Variants in RBM17 observed in about 807,000 individuals in gnomAD.
The protein encoded by RBM17 is splicing factor 45.
RBM17 carries 7 observed loss-of-function variants against 53.2 expected under a neutral mutation model. That is an observed-to-expected ratio of 0.13 (90% confidence interval 0.07 to 0.25). The LOEUF is 0.25. Among genes scored for constraint, RBM17 ranks in the 10% least tolerant of loss-of-function variants. The pLI is 1.00. For synonymous variants in RBM17, 167 were observed against 178.1 expected, an observed-to-expected ratio of 0.94 and a Z score of 0.50; for missense variants, 257 against 496.7, an observed-to-expected ratio of 0.52 and a Z score of 4.59.
intron 1 of RBM17, among the ~76,000 whole-genome samples, chr10:6,091,013 T>TTATATATTTATA (rs1840474180): frequency 8.8e-6 from 1 of 113,882 alleles, no homozygotes; most frequent in African/African-American, 2.9e-5. Flanking sequence ...ATATAAATAT[T>TTATATATTTATA]TATATATTTA....
intron 1 of RBM17, among the ~76,000 whole-genome samples, chr10:6,096,489 T>C (rs560489434): frequency 5.4e-4 from 83 of 152,326 alleles, no homozygotes; most frequent in African/African-American, 2.0e-3. Flanking sequence ...AGATGACAGA[T>C]TTCCACTTGG....
chr10:6,093,141 G>A (rs951412308), intron 1 of RBM17, among the ~76,000 whole-genome samples: 1 of 152,178 alleles, frequency 6.6e-6, no homozygotes, highest in Non-Finnish European at 1.5e-5. Context: ...TCTGGGGAGG[G>A]TGAGGAGTGT....
At chr10:6,105,974 C>G (rs969754976) in intron 4 of RBM17, among the ~76,000 whole-genome samples, 167 bp from the exon 5 acceptor site, 1 of 152,034 alleles carries the variant, frequency 6.6e-6, no homozygotes, top group Admixed American at 6.6e-5. Flanking sequence ...ATACTTTTAT[C>G]TACTTTAGTC....
intron 2 of RBM17, among the ~76,000 whole-genome samples, chr10:6,099,651 A>AT (rs1840640982): frequency 6.6e-6 from 1 of 151,898 alleles, no homozygotes. Flanking sequence ...TTTTATTTGT[A>AT]TTTTTTGTTG....
Position 6,089,340 on chromosome 10 carries a change from G to A in RBM17, c.-19+147G>A, listed in dbSNP as rs1022522897. 6.6e-6 allele frequency: 1 copy of A among 152,230 alleles called. No individual in the cohort carries two copies. Among genetic ancestry groups the A allele is most frequent in the African/African-American group, 2.4e-5 (1 of 41,446 alleles). 9.4% of individuals were successfully genotyped at this position (152,230 alleles called of 1,614,324 possible). Reference sequence around the variant, plus strand: ...GGCCAGCGCAGCCGGAGCCTCCGAGGGTCTCAGTCCCCGCGGCGGGCGCTG... The same window carrying A: ...GGCCAGCGCAGCCGGAGCCTCCGAGAGTCTCAGTCCCCGCGGCGGGCGCTG... On this transcript the variant is annotated intron_variant, in intron 1 of 11. Transcript: ENST00000379888. This position sits in a 1 kb window ranked among gnomAD's most constrained non-coding sequence, Gnocchi z 5.6.
Position 6,112,489 on chromosome 10 carries a change from GC to G in RBM17, c.856+131del. ...GCGTGTGGCCAGAGGGAGAGGGCTGGCCCTGCCATCACTAGAACACAGGCCG... is the reference window on the plus strand; with the variant it reads ...GCGTGTGGCCAGAGGGAGAGGGCTGGCCTGCCATCACTAGAACACAGGCCG... On this transcript the variant is annotated intron_variant, in intron 8 of 11. Coordinates refer to ENST00000379888, the MANE Select transcript of RBM17 (RefSeq NM_032905.5). This position sits in a 1 kb window ranked among gnomAD's most constrained non-coding sequence, Gnocchi z 4.4. The G allele has an allele frequency of 8.7e-7, 1 of 1,151,398 alleles. No homozygotes were observed. Among genetic ancestry groups the G allele is most frequent in the Non-Finnish European group, 1.3e-6 (1 of 785,832 alleles). 71.3% of individuals were successfully genotyped at this position (1,151,398 alleles called of 1,614,324 possible).
chr10:6,092,037 G>T (rs1161043379), intron 1 of RBM17, among the ~76,000 whole-genome samples: 1 of 152,146 alleles, frequency 6.6e-6, no homozygotes, highest in Non-Finnish European at 1.5e-5. Context: ...CTTCCTTCTG[G>T]CAGAACCATG....
rs1385349527 is a variant in RBM17 at position 6,101,773 on chromosome 10, TATTCCC to T, written c.240+387_240+392del. On this transcript the variant is annotated intron_variant, in intron 3 of 11. Transcript: ENST00000379888. ...TATGATCACGTTTATGGCTTCACTATATTCCCTTGTATATAGATGGACTATAATTTA... is the reference window on the plus strand; with the variant it reads ...TATGATCACGTTTATGGCTTCACTATTTGTATATAGATGGACTATAATTTA... 4.6e-5 allele frequency among the ~76,000 whole-genome samples: 7 copies of T among 152,384 alleles called. No homozygotes were observed. In the South Asian group the frequency reaches 1.4e-3, roughly 32 times the overall value.
intron 10 of RBM17, chr10:6,114,763 G>C (rs1276275627): frequency 1.2e-5 from 2 of 161,158 alleles, no homozygotes; most frequent in African/African-American, 2.4e-5. Flanking sequence ...TGAAGATCAG[G>C]ACTACCAAAA....
rs1362463700 is a variant in RBM17, at chr10:6,109,977, C to T, written c.563-9C>T. 20 of 1,594,986 alleles carry T rather than the reference C, an allele frequency of 1.3e-5. No individual in the cohort carries two copies. Among genetic ancestry groups the T allele is most frequent in the Non-Finnish European group, 1.6e-5 (19 of 1,171,162 alleles). On this transcript the variant is annotated splice_polypyrimidine_tract_variant and intron_variant, in intron 6 of 11. Transcript: ENST00000379888. ...ATTTTGGTGAGCCTACTTTATTTTT[C>T]TCCAATAGTACCCCGAGATTTTCCT...
At position 6,098,556 on chromosome 10, in the gene RBM17, G is replaced by GTTTTTTTTTTTT. The variant is rs1221504658; in HGVS notation, c.123+1374_123+1375insTTTTTTTTTTTT. Among the ~76,000 whole-genome samples the GTTTTTTTTTTTT allele has an allele frequency of 4.3e-4, 38 of 87,972 alleles. 13 individuals carry two copies. The highest frequency in any genetic ancestry group is 4.8e-4 in the African/African-American group (12 of 24,766). 57.7% of individuals were successfully genotyped at this position (87,972 alleles called of 152,430 possible). A position where few individuals can be genotyped will look rare whatever the true frequency, so the allele number is the denominator to read the frequency against. ...GTTTGAAAATTTCCGTAATACACAGGTTTTTTGTTTTTTTTTTTTTTTTTT... is the reference window on the plus strand; with the variant it reads ...GTTTGAAAATTTCCGTAATACACAGGTTTTTTTTTTTTTTTTTTGTTTTTTTTTTTTTTTTTT... On this transcript the variant is annotated intron_variant, in intron 2 of 11. Transcript: ENST00000379888.
chr10:6,108,800 G>C, intron 6 of RBM17, 58 bp downstream of exon 6: 1 of 1,378,670 alleles, frequency 7.3e-7, no homozygotes, highest in Non-Finnish European at 1.0e-6. Flanking sequence ...CCCAACCATG[G>C]GGGATCTCAG....
chr10:6,103,515 C>T (rs1459335245), intron 3 of RBM17, among the ~76,000 whole-genome samples: 3 of 152,124 alleles, frequency 2.0e-5, no homozygotes, highest in Admixed American at 1.3e-4. Flanking sequence ...CATTTTCTCT[C>T]TAAATAATAA....
At chr10:6,104,230 T>G (rs1048433690) in intron 3 of RBM17, among the ~76,000 whole-genome samples, 1 of 152,206 alleles carries the variant, frequency 6.6e-6, no homozygotes, top group African/African-American at 2.4e-5. Context: ...TTTGCTAATT[T>G]CTTTGTCATG....
At chr10:6,098,480 C>G (rs1840612108) in intron 2 of RBM17, among the ~76,000 whole-genome samples, 1 of 149,010 alleles carries the variant, frequency 6.7e-6, no homozygotes, top group South Asian at 2.1e-4. Context: ...ATTGTTGAAA[C>G]TGGATGTGGA....
At chr10:6,093,480 A>G (rs754395941) in intron 1 of RBM17, among the ~76,000 whole-genome samples, 1 of 152,186 alleles carries the variant, frequency 6.6e-6, no homozygotes, top group South Asian at 2.1e-4. Context: ...CGGTCTCCCA[A>G]AGTGCTGGGA....
At position 6,089,235 on chromosome 10, in the gene RBM17, G is replaced by C. The variant is rs1840439173; in HGVS notation, c.-19+42G>C. On this transcript the variant is annotated intron_variant, in intron 1 of 11. Coordinates refer to ENST00000379888, the MANE Select transcript of RBM17 (RefSeq NM_032905.5). The surrounding 1 kb of genome is among the most constrained non-coding windows in gnomAD (Gnocchi z 5.6). ...CGGCCCCGGGTGGGTGGCCTGGCGG[G>C]ACCTGAGGCGGGCGCGCCTTCCCGG... 6.6e-6 allele frequency: 1 copy of C among 151,858 alleles called. No individual in the cohort carries two copies. The highest frequency in any genetic ancestry group is 2.4e-5 in the African/African-American group (1 of 41,392). 9.4% of individuals were successfully genotyped at this position (151,858 alleles called of 1,614,324 possible). A position where few individuals can be genotyped will look rare whatever the true frequency, so the allele number is the denominator to read the frequency against.
rs750716722 is a variant in RBM17, at chr10:6,108,677, G to A, written c.506-9G>A. The stretch of plus-strand genomic sequence containing the variant: ...ACCTCCTTTAATGCTTGGATTTGTG[G>A]TTTTGCAGGTATGGGCGGAGCTGCC... On this transcript the variant is annotated splice_polypyrimidine_tract_variant and intron_variant, in intron 5 of 11. Coordinates refer to ENST00000379888, the MANE Select transcript of RBM17 (RefSeq NM_032905.5). 6.2e-7 allele frequency: 1 copy of A among 1,611,208 alleles called. No homozygotes were observed.
rs369303270 is a variant in RBM17 at position 6,114,096 on chromosome 10, C to A, written c.978C>A (p.Thr326=). The change falls in exon 10 of 12, where the codon ACC becomes ACA. Residue 326 remains threonine (T), a synonymous_variant. Transcript: ENST00000379888. The part of the protein sequence containing the change: ...GEVDEDLEVE[T]KEECEKYGKV... ...TGGATGAAGACTTGGAAGTTGAAAC[C>A]AAGGAAGAATGTGAAAAATATGGCA... The A allele has an allele frequency of 3.1e-6, 5 of 1,613,350 alleles. No individual in the cohort carries two copies.
Sources: allele counts gnomAD v4.1 joint callset (sites outside exome capture counted in the v4.1 genomes callset), GRCh38; gene constraint gnomAD v4.1.1; non-coding constraint Gnocchi (gnomAD v3.1); transcripts MANE v1.5; gene names NCBI Gene and HGNC (gene_info 2026-07-23, HGNC 2026-07-21).